Variants in AK7 observed in about 807,000 individuals in gnomAD.
AK7 encodes adenylate kinase 7.
Under a neutral mutation model 96.6 loss-of-function variants are expected in AK7, and 78 were observed. The ratio of observed to expected loss-of-function variants is 0.81; its 90% confidence interval spans 0.67 to 0.97. The LOEUF is 0.97. Ranked by LOEUF, AK7 falls within the 50% of genes least tolerant of loss-of-function variation. The pLI is 0.00. For synonymous variants in AK7, 302 were observed against 317.2 expected, an observed-to-expected ratio of 0.95 and a Z score of 0.51; for missense variants, 855 against 887.9, an observed-to-expected ratio of 0.96 and a Z score of 0.47.
intron 10 of AK7, among the ~76,000 whole-genome samples, chr14:96,454,837 T>C (rs1045188795): frequency 6.6e-6 from 1 of 151,960 alleles, no homozygotes; most frequent in African/African-American, 2.4e-5. Flanking sequence ...TGAGCCACGA[T>C]GCCTGGCCTA....
intron 12 of AK7, among the ~76,000 whole-genome samples, chr14:96,460,119 C>A (rs1443196303): frequency 6.6e-6 from 1 of 152,156 alleles, no homozygotes; most frequent in Admixed American, 6.5e-5. Flanking sequence ...TTTGTTTATT[C>A]ATGCTTTAGG....
At chr14:96,451,073 G>A (rs1255550588) in intron 9 of AK7, among the ~76,000 whole-genome samples, 31 of 151,950 alleles carry the variant, frequency 2.0e-4, no homozygotes, top group Admixed American at 1.8e-3. Flanking sequence ...GGCACTCGGC[G>A]GGAATATTTT....
intron 5 of AK7, among the ~76,000 whole-genome samples, chr14:96,428,534 G>T (rs535012304): frequency 6.6e-6 from 1 of 152,138 alleles, no homozygotes; most frequent in Non-Finnish European, 1.5e-5. Flanking sequence ...TTGAGGAATC[G>T]CCACACTGTC....
In AK7 at chr14:96,458,039, G is replaced by A. The variant is rs775486957; in HGVS notation, c.1228-44G>A. On this transcript the variant is annotated intron_variant, in intron 11 of 17. Transcript: ENST00000267584. ...GCCAGCTGATTTGTGAATAGCAAATGGATGTGGGGCATCATCCAATGTGAA... is the reference window on the plus strand; with the variant it reads ...GCCAGCTGATTTGTGAATAGCAAATAGATGTGGGGCATCATCCAATGTGAA... 4 of 1,601,626 alleles carry A rather than the reference G, an allele frequency of 2.5e-6. No homozygotes were observed. In the South Asian group the frequency reaches 4.5e-5, roughly 18 times the overall value.
In AK7 at chr14:96,447,942, T is replaced by C. The variant is rs183864356; in HGVS notation, c.870+1335T>C. Among the ~76,000 whole-genome samples the C allele has an allele frequency of 5.9e-4, 89 of 151,962 alleles. 1 individual carries two copies. Among genetic ancestry groups the C allele is most frequent in the African/African-American group, 2.1e-3 (86 of 41,466 alleles). ...AGATTCAGCTCAAGCCTGGGCAACA[T>C]GGTGAAACCCCATCTCTACCAAAAA... On this transcript the variant is annotated intron_variant, in intron 8 of 17. Coordinates refer to ENST00000267584, the MANE Select transcript of AK7 (RefSeq NM_152327.5).
chr14:96,460,511 ATC>A (rs1030663155), intron 12 of AK7, among the ~76,000 whole-genome samples: 24 of 152,232 alleles, frequency 1.6e-4, no homozygotes, highest in African/African-American at 5.8e-4. Flanking sequence ...CTCCTTTGTC[ATC>A]TCTCAGGGGC....
chr14:96,463,329 C>A (rs892775198), intron 12 of AK7, among the ~76,000 whole-genome samples: 2 of 152,116 alleles, frequency 1.3e-5, no homozygotes. Context: ...TTGGAAGTCA[C>A]CAAGCATGGC....
chr14:96,413,626 T>C (rs1327962169), intron 4 of AK7, among the ~76,000 whole-genome samples: 1 of 152,224 alleles, frequency 6.6e-6, no homozygotes, highest in Non-Finnish European at 1.5e-5. Context: ...CCCTACACCC[T>C]GCCCACATCT....
intron 14 of AK7, among the ~76,000 whole-genome samples, chr14:96,477,533 C>G (rs774570401): frequency 3.3e-5 from 5 of 152,146 alleles, no homozygotes; most frequent in Non-Finnish European, 7.4e-5. Flanking sequence ...AGAATCACAA[C>G]TCACCTTGGA....
intron 17 of AK7, 40 bp downstream of exon 17, chr14:96,487,096 T>G (rs756053228): frequency 3.7e-6 from 6 of 1,606,784 alleles, no homozygotes; most frequent in Non-Finnish European, 5.1e-6. Flanking sequence ...AATTTGAGTT[T>G]GGGTGTGGCG....
In AK7 at chr14:96,488,592, T is replaced by C. The variant is rs1256008755; in HGVS notation, c.*249T>C. ...AGACAAATACTGATTTAATATTTTATTCTTTAGTCAGATCTAAATATACCG... is the reference window on the plus strand; with the variant it reads ...AGACAAATACTGATTTAATATTTTACTCTTTAGTCAGATCTAAATATACCG... On this transcript the variant is annotated 3_prime_UTR_variant, in exon 18 of 18. Coordinates refer to ENST00000267584, the MANE Select transcript of AK7 (RefSeq NM_152327.5). The C allele has an allele frequency of 1.3e-5, 5 of 385,986 alleles. No individual in the cohort carries two copies. Among genetic ancestry groups the C allele is most frequent in the Non-Finnish European group, 1.9e-5 (4 of 212,406 alleles). 23.9% of individuals were successfully genotyped at this position (385,986 alleles called of 1,614,324 possible). A position where few individuals can be genotyped will look rare whatever the true frequency, so the allele number is the denominator to read the frequency against.
chr14:96,470,643 C>T (rs1235769190), intron 12 of AK7, among the ~76,000 whole-genome samples: 2 of 152,210 alleles, frequency 1.3e-5, no homozygotes, highest in East Asian at 1.9e-4. Context: ...GGAAAAGACA[C>T]GGAGAAGGGA....
intron 12 of AK7, among the ~76,000 whole-genome samples, chr14:96,460,397 C>G (rs1202330795): frequency 6.6e-6 from 1 of 152,092 alleles, no homozygotes; most frequent in Non-Finnish European, 1.5e-5. Context: ...TTGCTGGTGG[C>G]CATTTCTGAT....
At chr14:96,424,012 G>C in intron 5 of AK7, 1 of 785,108 alleles carries the variant, frequency 1.3e-6, no homozygotes, top group Non-Finnish European at 2.3e-6. Context: ...ATCCGGGTCT[G>C]TCAAGACCCA....
chr14:96,449,709 C>A, intron 8 of AK7, 93 bp from the exon 9 acceptor site: 1 of 887,362 alleles, frequency 1.1e-6, no homozygotes, highest in Non-Finnish European at 1.8e-6. Flanking sequence ...GCTGGGATTA[C>A]AGGCGTGAGC....
At chr14:96,452,706 T>A (rs1893677755) in intron 10 of AK7, among the ~76,000 whole-genome samples, 1 of 152,064 alleles carries the variant, frequency 6.6e-6, no homozygotes, top group South Asian at 2.1e-4. Context: ...TAGCCCAGGC[T>A]GCAGGGCAGT....
intron 4 of AK7, among the ~76,000 whole-genome samples, chr14:96,419,770 AT>A (rs200746590): frequency 0.054 from 6,704 of 125,208 alleles, 300 homozygotes; most frequent in African/African-American, 0.15. Flanking sequence ...CTCCTAAAGC[AT>A]TTTTTTTTCT....
intron 7 of AK7, among the ~76,000 whole-genome samples, chr14:96,445,647 G>A (rs1420564336): frequency 1.4e-4 from 22 of 151,848 alleles, no homozygotes; most frequent in Admixed American, 1.1e-3. Flanking sequence ...GCAACAGAGC[G>A]AGACTCAAAA....
intron 7 of AK7, among the ~76,000 whole-genome samples, chr14:96,445,440 G>A (rs558441058): frequency 1.8e-4 from 27 of 152,178 alleles, no homozygotes; most frequent in African/African-American, 6.3e-4. Context: ...TGGGAGGTTC[G>A]CCTGAGCCGA....
Sources: allele counts gnomAD v4.1 joint callset (sites outside exome capture counted in the v4.1 genomes callset), GRCh38; gene constraint gnomAD v4.1.1; transcripts MANE v1.5; gene names NCBI Gene and HGNC (gene_info 2026-07-23, HGNC 2026-07-21).